Variants in FAM53B observed in about 807,000 individuals in gnomAD.
FAM53B encodes the protein family with sequence similarity 53 member B.
In FAM53B, 12 loss-of-function variants were observed where a neutral mutation model predicts 32.7. That is an observed-to-expected ratio of 0.37 (90% CI 0.24 to 0.59). The LOEUF (loss-of-function observed/expected upper bound fraction) is 0.59, where lower values mean the gene tolerates loss of function less well. FAM53B is among the 20% of genes least tolerant of loss of function. FAM53B has a pLI of 0.72. For synonymous variants in FAM53B, 234 were observed against 228.7 expected (o/e 1.02, Z -0.21); for missense variants, 477 against 577.7 (o/e 0.83, Z 1.79).
At chr10:124,648,218 G>A (rs547162687) in intron 4 of FAM53B, among the ~76,000 whole-genome samples, 4 of 152,254 alleles carry the variant, frequency 2.6e-5, no homozygotes, top group Non-Finnish European at 4.4e-5. Context: ...CTCTGGGAGC[G>A]TCTGTTGGAA....
chr10:124,728,498 A>G (rs938579894), intron 1 of FAM53B, among the ~76,000 whole-genome samples: 5 of 152,172 alleles, frequency 3.3e-5, no homozygotes, highest in Admixed American at 3.3e-4. Flanking sequence ...CACGCAAGTA[A>G]ACCCAGCAGA....
chr10:124,717,699 C>T (rs1273814865), intron 1 of FAM53B, among the ~76,000 whole-genome samples: 1 of 152,168 alleles, frequency 6.6e-6, no homozygotes, highest in African/African-American at 2.4e-5. Flanking sequence ...TGCGTGATTG[C>T]ATTTTCCAAG....
At position 124,647,564 on chromosome 10, in the gene FAM53B, A is replaced by C. The variant is rs150136044; in HGVS notation, c.907-23960T>G. Among the ~76,000 whole-genome samples the C allele has an allele frequency of 2.0e-5, 3 of 152,372 alleles. No individual in the cohort carries two copies. In the East Asian group the frequency reaches 5.8e-4, roughly 29 times the overall value. On this transcript the variant is annotated intron_variant, in intron 4 of 4. Coordinates refer to ENST00000337318, the MANE Select transcript of FAM53B (RefSeq NM_014661.4). ...GACTGTCCTCAGAACAAGTGTGAGC[A>C]GAGATGCATGTCACCAATGCACTCG... is the stretch of plus-strand genomic sequence containing the variant.
intron 4 of FAM53B, among the ~76,000 whole-genome samples, chr10:124,636,052 C>T (rs981980384): frequency 6.6e-6 from 1 of 152,098 alleles, no homozygotes; most frequent in African/African-American, 2.4e-5. Context: ...TTTTAATTTT[C>T]GAACACGTGA....
chr10:124,687,739 C>T (rs1247485625), intron 3 of FAM53B, among the ~76,000 whole-genome samples: 1 of 152,184 alleles, frequency 6.6e-6, no homozygotes, highest in African/African-American at 2.4e-5. Context: ...CTTGGTAAAT[C>T]AGAGTCTCTC....
chr10:124,658,322 G>C (rs1358748741), intron 4 of FAM53B, among the ~76,000 whole-genome samples: 1 of 152,184 alleles, frequency 6.6e-6, no homozygotes, highest in Admixed American at 6.5e-5. Context: ...AAGCGCCCCA[G>C]GTCACCTCAG....
chr10:124,725,553 T>C (rs925405436), intron 1 of FAM53B, among the ~76,000 whole-genome samples: 4 of 152,206 alleles, frequency 2.6e-5, no homozygotes, highest in Non-Finnish European at 1.5e-5. Flanking sequence ...GACAGCTCTG[T>C]CAGCTCGACC....
rs911008944 is a variant in FAM53B at position 124,651,045 on chromosome 10, G to A, written c.907-27441C>T. On this transcript the variant is annotated intron_variant, in intron 4 of 4. Coordinates refer to ENST00000337318, the MANE Select transcript of FAM53B (RefSeq NM_014661.4). The surrounding 1 kb of genome is among the most constrained non-coding windows in gnomAD (Gnocchi z 5.2). ...GGGAGCCCCCCAATCTCCCTTCAGAGGCCACTTCCTGCCCAAACCACCCCA... is the reference window on the plus strand; with the variant it reads ...GGGAGCCCCCCAATCTCCCTTCAGAAGCCACTTCCTGCCCAAACCACCCCA... Among the ~76,000 whole-genome samples, 1 of 151,928 alleles carries A rather than the reference G, an allele frequency of 6.6e-6. No homozygotes were observed. The highest frequency in any genetic ancestry group is 1.5e-5 in the Non-Finnish European group (1 of 68,014).
At chr10:124,736,312 T>C (rs1950173989) in intron 1 of FAM53B, among the ~76,000 whole-genome samples, 1 of 152,262 alleles carries the variant, frequency 6.6e-6, no homozygotes, top group South Asian at 2.1e-4. Context: ...GCCAAAGGGA[T>C]TACAGGGGAG....
At chr10:124,652,452 G>C (rs1380288759) in intron 4 of FAM53B, among the ~76,000 whole-genome samples, 2 of 152,130 alleles carry the variant, frequency 1.3e-5, no homozygotes, top group African/African-American at 4.8e-5. Context: ...AGAGAAGAAG[G>C]GGCCCGGCCC....
intron 4 of FAM53B, among the ~76,000 whole-genome samples, chr10:124,630,712 T>TG (rs1169232095): frequency 6.6e-6 from 1 of 152,116 alleles, no homozygotes; most frequent in Non-Finnish European, 1.5e-5. Context: ...AATGGCCCAG[T>TG]GGGGGTGGTA....
At chr10:124,670,499 C>A (rs1054844770) in intron 4 of FAM53B, among the ~76,000 whole-genome samples, 1 of 152,104 alleles carries the variant, frequency 6.6e-6, no homozygotes, top group Non-Finnish European at 1.5e-5. Flanking sequence ...ACATCTCAAG[C>A]ATCCCTTGCA....
chr10:124,689,570 C>T lies in FAM53B; in HGVS notation c.133+6588G>A, dbSNP rs555877679. Reference sequence around the variant, plus strand: ...ACAAGGCACAAGGAACAAGGGATTCCGATGGCTAGAGGTAATGCACCATCA... The same window carrying T: ...ACAAGGCACAAGGAACAAGGGATTCTGATGGCTAGAGGTAATGCACCATCA... On this transcript the variant is annotated intron_variant, in intron 3 of 4. Coordinates refer to ENST00000337318, the MANE Select transcript of FAM53B (RefSeq NM_014661.4). Among the ~76,000 whole-genome samples, 7 of 152,328 alleles carry T rather than the reference C, an allele frequency of 4.6e-5. No individual in the cohort carries two copies. In the East Asian group the frequency reaches 7.7e-4, roughly 17 times the overall value.
At chr10:124,729,740 C>T (rs911814756) in intron 1 of FAM53B, among the ~76,000 whole-genome samples, 6 of 152,162 alleles carry the variant, frequency 3.9e-5, no homozygotes, top group African/African-American at 1.2e-4. Flanking sequence ...ATGTAGACAG[C>T]GTGGACTACA....
intron 1 of FAM53B, among the ~76,000 whole-genome samples, chr10:124,727,306 C>A (rs972013978): frequency 7.8e-6 from 1 of 127,884 alleles, no homozygotes; most frequent in African/African-American, 3.2e-5. Context: ...GAAGATTACA[C>A]TAGGTGAAGC....
rs183698091 is a variant in FAM53B, at chr10:124,740,383, C to A, written c.-175+3630G>T. On this transcript the variant is annotated intron_variant, in intron 1 of 4. Transcript: ENST00000337318. ...TCACTGTAAGAAGAACCCTAGGGAA[C>A]GGTAAATTGCTTTTGAATATGGACT... Among the ~76,000 whole-genome samples the A allele has an allele frequency of 3.3e-5, 5 of 152,296 alleles. No homozygotes were observed. In the East Asian group the frequency reaches 5.8e-4, roughly 18 times the overall value.
chr10:124,735,000 G>A (rs1251931761), intron 1 of FAM53B, among the ~76,000 whole-genome samples: 1 of 152,204 alleles, frequency 6.6e-6, no homozygotes, highest in Non-Finnish European at 1.5e-5. Flanking sequence ...AGGTTCAGGT[G>A]GCAAAGGGAT....
chr10:124,624,543 C>T (rs1328553986), intron 4 of FAM53B, among the ~76,000 whole-genome samples: 4 of 152,194 alleles, frequency 2.6e-5, no homozygotes, highest in Admixed American at 6.5e-5. Flanking sequence ...GAGTAGGCTG[C>T]GCAGAAGCTT....
Position 124,733,504 on chromosome 10 carries a change from G to A in FAM53B, c.-175+10509C>T, listed in dbSNP as rs536177550. The stretch of plus-strand genomic sequence containing the variant: ...TCTTCCATCGCACCAACACGGTTAG[G>A]TGCCTGTTTTTCCCTTTAAAGAAAA... On this transcript the variant is annotated intron_variant, in intron 1 of 4. Coordinates refer to ENST00000337318, the MANE Select transcript of FAM53B (RefSeq NM_014661.4). The surrounding 1 kb of genome is among the most constrained non-coding windows in gnomAD (Gnocchi z 4.3). 1.8e-4 allele frequency among the ~76,000 whole-genome samples: 27 copies of A among 152,088 alleles called. No homozygotes were observed. Among genetic ancestry groups the A allele is most frequent in the Non-Finnish European group, 3.4e-4 (23 of 68,020 alleles).
Sources: allele counts gnomAD v4.1 joint callset (sites outside exome capture counted in the v4.1 genomes callset), GRCh38; gene constraint gnomAD v4.1.1; non-coding constraint Gnocchi (gnomAD v3.1); transcripts MANE v1.5; gene names NCBI Gene and HGNC (gene_info 2026-07-23, HGNC 2026-07-21).